CCDC171: variants seen among roughly 807,000 people sequenced by gnomAD.
CCDC171 encodes coiled-coil domain containing 171.
A neutral mutation model predicts 168.2 loss-of-function variants in CCDC171; 177 were observed. The ratio of observed to expected loss-of-function variants is 1.05; its 90% confidence interval spans 0.93 to 1.19. The LOEUF is 1.19. Ranked by LOEUF, CCDC171 falls within the 50% of genes most tolerant of loss-of-function variation. CCDC171 has a pLI of 0.00. For missense variants in CCDC171, 1,991 were observed against 1,539.0 expected, an observed-to-expected ratio of 1.29 and a Z score of -4.91; for synonymous variants, 687 against 540.8, an observed-to-expected ratio of 1.27 and a Z score of -3.75.
At chr9:15,862,089 G>T (rs2061584492) in intron 23 of CCDC171, among the ~76,000 whole-genome samples, 1 of 151,122 alleles carries the variant, frequency 6.6e-6, no homozygotes, top group Non-Finnish European at 1.5e-5. Context: ...AGTTTGAGCT[G>T]AAAAAGTCAA....
downstream of CCDC171, among the ~76,000 whole-genome samples, chr9:15,975,837 C>T (rs149560784): frequency 3.1e-4 from 47 of 152,254 alleles, no homozygotes; most frequent in African/African-American, 7.7e-4. Context: ...TGAATGTTAC[C>T]GTCTACGGCA....
At chr9:15,749,812 C>T (rs2055589186) in intron 18 of CCDC171, among the ~76,000 whole-genome samples, 1 of 152,178 alleles carries the variant, frequency 6.6e-6, no homozygotes, top group African/African-American at 2.4e-5. Context: ...CTCTGGGACA[C>T]ATTTAAAGCA....
At chr9:15,615,162 GATAAA>G (rs2043990433) in intron 6 of CCDC171, among the ~76,000 whole-genome samples, 1 of 151,990 alleles carries the variant, frequency 6.6e-6, no homozygotes, top group Non-Finnish European at 1.5e-5. Flanking sequence ...ATTTTAAAAA[GATAAA>G]ATATAAAAGA....
At chr9:16,008,132 A>G (rs1345641847) in intron 3 of CCDC171, among the ~76,000 whole-genome samples, 2 of 152,186 alleles carry the variant, frequency 1.3e-5, no homozygotes, top group Admixed American at 1.3e-4. Flanking sequence ...TTTTGGTGTC[A>G]TATTTAATAC....
chr9:16,091,606 C>T, the CCDC171 span, among the ~76,000 whole-genome samples: 1 of 152,190 alleles, frequency 6.6e-6, no homozygotes, highest in South Asian at 2.1e-4. Context: ...AGAGTTGGGG[C>T]TCCTTCTGCA....
intron 25 of CCDC171, among the ~76,000 whole-genome samples, chr9:15,927,748 C>G (rs1252301296): frequency 6.6e-6 from 1 of 151,528 alleles, no homozygotes. Flanking sequence ...TCCTCTTTCT[C>G]TTAAGTTCCA....
chr9:16,104,905 A>G, the CCDC171 span, among the ~76,000 whole-genome samples: 1 of 152,200 alleles, frequency 6.6e-6, no homozygotes, highest in Non-Finnish European at 1.5e-5. Context: ...AAACTCCAGT[A>G]AGAGCTAAGG....
chr9:15,625,592 G>C (rs1011251747), intron 7 of CCDC171, among the ~76,000 whole-genome samples: 2 of 152,084 alleles, frequency 1.3e-5, no homozygotes, highest in African/African-American at 4.8e-5. Context: ...CCCATTTCTT[G>C]TTTTTGTCAG....
At chr9:16,062,804 G>A (rs1315406741), downstream of CCDC171, among the ~76,000 whole-genome samples, 5 of 152,122 alleles carry the variant, frequency 3.3e-5, no homozygotes, top group South Asian at 2.1e-4. Context: ...GGGGGACCCC[G>A]GTGAGGGACG....
chr9:15,869,308 A>G (rs2061927262), intron 23 of CCDC171, among the ~76,000 whole-genome samples: 1 of 152,156 alleles, frequency 6.6e-6, no homozygotes, highest in South Asian at 2.1e-4. Context: ...GTATCCATTT[A>G]GATGTAACCA....
chr9:16,007,073 C>G (rs887926323), intron 3 of CCDC171, among the ~76,000 whole-genome samples: 1 of 152,168 alleles, frequency 6.6e-6, no homozygotes, highest in African/African-American at 2.4e-5. Flanking sequence ...TCCTATTTCT[C>G]CACATCCTCT....
At chr9:15,926,344 C>G (rs1366679499) in intron 25 of CCDC171, among the ~76,000 whole-genome samples, 1 of 151,576 alleles carries the variant, frequency 6.6e-6, no homozygotes, top group Non-Finnish European at 1.5e-5. Context: ...CCCAACTCAC[C>G]CAAACAGCCC....
At chr9:16,069,264 G>C in the CCDC171 span, among the ~76,000 whole-genome samples, 1 of 152,260 alleles carries the variant, frequency 6.6e-6, no homozygotes, top group African/African-American at 2.4e-5. Context: ...TGTGTGTGCA[G>C]ATATGTGTGT....
intron 6 of CCDC171, among the ~76,000 whole-genome samples, chr9:15,620,238 G>A (rs568828690): frequency 2.6e-5 from 4 of 152,300 alleles, no homozygotes; most frequent in African/African-American, 9.6e-5. Context: ...CATAGATAGT[G>A]ACTCCTTTGA....
chr9:15,710,740 T>A (rs567044757), intron 11 of CCDC171, among the ~76,000 whole-genome samples: 72 of 152,162 alleles, frequency 4.7e-4, no homozygotes, highest in African/African-American at 1.7e-3. Flanking sequence ...AGACTACAGG[T>A]GTGCACCAAC....
At chr9:16,070,756 C>T in the CCDC171 span, among the ~76,000 whole-genome samples, 1 of 152,222 alleles carries the variant, frequency 6.6e-6, no homozygotes, top group Non-Finnish European at 1.5e-5. Context: ...TGGCCACCCA[C>T]CTCCACCCTC....
chr9:15,768,857 C>T (rs1172083982), intron 18 of CCDC171, among the ~76,000 whole-genome samples: 2 of 152,124 alleles, frequency 1.3e-5, no homozygotes, highest in Admixed American at 6.5e-5. Flanking sequence ...GATGTGTCAC[C>T]TATCTTCATC....
chr9:15,669,045 G>A (rs1338797265), intron 9 of CCDC171, among the ~76,000 whole-genome samples: 1 of 152,076 alleles, frequency 6.6e-6, no homozygotes, highest in Non-Finnish European at 1.5e-5. Context: ...GCTTGAACCT[G>A]CCATTGGTTA....
intron 24 of CCDC171, among the ~76,000 whole-genome samples, chr9:15,916,219 A>G (rs1221518523): frequency 6.6e-6 from 1 of 151,876 alleles, no homozygotes; most frequent in Non-Finnish European, 1.5e-5. Flanking sequence ...TTCCTATTTG[A>G]TATCATTATT....
Sources: allele counts gnomAD v4.1 joint callset (sites outside exome capture counted in the v4.1 genomes callset), GRCh38; gene constraint gnomAD v4.1.1; transcripts MANE v1.5; gene names NCBI Gene and HGNC (gene_info 2026-07-23, HGNC 2026-07-21).